KCNH7: variants seen among roughly 807,000 people sequenced by gnomAD.
KCNH7 encodes the protein potassium voltage-gated channel subfamily H member 7, also known as voltage-gated inwardly rectifying potassium channel KCNH7.
In KCNH7, 49 loss-of-function variants were observed where a neutral mutation model predicts 120.8. That is an observed-to-expected ratio of 0.41 (90% CI 0.32 to 0.51). The LOEUF (loss-of-function observed/expected upper bound fraction) is 0.51. Among genes scored for constraint, KCNH7 ranks in the 20% least tolerant of loss-of-function variants. KCNH7 has a pLI of 0.38. For missense variants in KCNH7, 1,097 were observed against 1,446.6 expected (o/e 0.76, Z 3.92); for synonymous variants, 547 against 516.1 (o/e 1.06, Z -0.81).
chr2:162,526,879 T>G (rs1309981029), intron 3 of KCNH7, among the ~76,000 whole-genome samples: 2 of 152,028 alleles, frequency 1.3e-5, no homozygotes, highest in African/African-American at 4.8e-5. Flanking sequence ...ATTGGGGAAG[T>G]GATAAGTGTC....
At chr2:162,477,004 G>A (rs1689767436) in intron 6 of KCNH7, among the ~76,000 whole-genome samples, 2 of 152,180 alleles carry the variant, frequency 1.3e-5, no homozygotes, top group Admixed American at 1.3e-4. Context: ...CAGGAATTAG[G>A]AACTAGGGCA....
chr2:162,723,210 T>C (rs779302262), intron 2 of KCNH7, among the ~76,000 whole-genome samples: 45 of 152,068 alleles, frequency 3.0e-4, no homozygotes, highest in Admixed American at 1.6e-3. Context: ...AGTCTCTATA[T>C]TGTTACATGC....
intron 3 of KCNH7, among the ~76,000 whole-genome samples, chr2:162,520,062 T>TG (rs1205424112): frequency 3.3e-5 from 5 of 151,542 alleles, no homozygotes; most frequent in Non-Finnish European, 7.4e-5. Flanking sequence ...ACCTGTATTG[T>TG]ATATCTAATA....
At chr2:162,630,210 G>A (rs1683716368) in intron 2 of KCNH7, among the ~76,000 whole-genome samples, 1 of 152,118 alleles carries the variant, frequency 6.6e-6, no homozygotes, top group East Asian at 1.9e-4. Context: ...TGCAAATATT[G>A]AATTTGAATT....
chr2:162,810,730 T>C (rs1684706860), intron 2 of KCNH7, among the ~76,000 whole-genome samples: 1 of 152,176 alleles, frequency 6.6e-6, no homozygotes, highest in African/African-American at 2.4e-5. Context: ...ATTTTATGTG[T>C]GTCACTTTCT....
chr2:162,607,199 A>T (rs1682806178), intron 2 of KCNH7, among the ~76,000 whole-genome samples: 1 of 140,082 alleles, frequency 7.1e-6, no homozygotes, highest in Non-Finnish European at 1.5e-5. Context: ...ATATGGTGAA[A>T]CCCCGTCTCT....
rs543624045 is a variant in KCNH7 at position 162,480,576 on chromosome 2, C to G, written c.1128+23867G>C. Among the ~76,000 whole-genome samples, 3 of 152,282 alleles carry G rather than the reference C, an allele frequency of 2.0e-5. No homozygotes were observed. The East Asian group carries it at 5.8e-4, about 29-fold the overall frequency. On this transcript the variant is annotated intron_variant, in intron 6 of 15. Coordinates refer to ENST00000332142, the MANE Select transcript of KCNH7 (RefSeq NM_033272.4). ...CAAATATATCCCAGTGAGAACAAAA[C>G]TCTCAGTTTTTCATGCAGCTTTTTA...
chr2:162,649,208 G>C (rs980881480), intron 2 of KCNH7, among the ~76,000 whole-genome samples: 2 of 152,052 alleles, frequency 1.3e-5, no homozygotes, highest in Non-Finnish European at 2.9e-5. Context: ...CATGTTCTTT[G>C]TTATGCATGA....
chr2:162,702,019 GA>G (rs1301455933), intron 2 of KCNH7, among the ~76,000 whole-genome samples: 2 of 148,576 alleles, frequency 1.3e-5, no homozygotes, highest in Admixed American at 6.7e-5. Flanking sequence ...AAAAAAAAAA[GA>G]AAAAAAACTT....
At chr2:162,724,557 A>G (rs1687449385) in intron 2 of KCNH7, among the ~76,000 whole-genome samples, 1 of 149,990 alleles carries the variant, frequency 6.7e-6, no homozygotes, top group Non-Finnish European at 1.5e-5. Context: ...CTGTAGTCCC[A>G]GCTACTTGGG....
rs566368978 is a variant in KCNH7 at position 162,500,241 on chromosome 2, A to G, written c.1128+4202T>C. The stretch of plus-strand genomic sequence containing the variant: ...ATAATATATAATATGTATGTTACAT[A>G]TACACATACTATGTATGTATGTATT... On this transcript the variant is annotated intron_variant, in intron 6 of 15. Transcript: ENST00000332142. 4.1e-5 allele frequency among the ~76,000 whole-genome samples: 6 copies of G among 148,064 alleles called. No individual in the cohort carries two copies. In the South Asian group the frequency reaches 1.3e-3, roughly 31 times the overall value.
At chr2:162,835,617 T>G (rs1242260210) in intron 2 of KCNH7, among the ~76,000 whole-genome samples, 1 of 151,734 alleles carries the variant, frequency 6.6e-6, no homozygotes, top group African/African-American at 2.4e-5. Context: ...TGTATAGATA[T>G]ATAGATATAT....
chr2:162,481,965 C>CTATCTATCTATCT (rs148374578), intron 6 of KCNH7, among the ~76,000 whole-genome samples: 1 of 151,098 alleles, frequency 6.6e-6, no homozygotes, highest in African/African-American at 2.4e-5. Context: ...ATCTATCTAT[C>CTATCTATCTATCT]ATCTATCTAT....
intron 2 of KCNH7, among the ~76,000 whole-genome samples, chr2:162,581,875 C>G (rs73026653): frequency 6.6e-6 from 1 of 151,768 alleles, no homozygotes; most frequent in Non-Finnish European, 1.5e-5. Flanking sequence ...ACAAAGGGAC[C>G]CACCCACCCA....
chr2:162,601,820 CATT>C (rs1694567379), intron 2 of KCNH7, among the ~76,000 whole-genome samples: 1 of 151,992 alleles, frequency 6.6e-6, no homozygotes, highest in African/African-American at 2.4e-5. Context: ...ACCTTATTAA[CATT>C]ATAAAGGATG....
At chr2:162,419,849 T>C (rs1352177826) in intron 9 of KCNH7, among the ~76,000 whole-genome samples, 3 of 152,142 alleles carry the variant, frequency 2.0e-5, no homozygotes, top group African/African-American at 7.2e-5. Context: ...ATTACTGTGG[T>C]AGTGTTGTAA....
chr2:162,661,112 G>T lies in KCNH7; in HGVS notation c.308-124032C>A, dbSNP rs75245803. Among the ~76,000 whole-genome samples the T allele has an allele frequency of 5.7e-3, 864 of 152,234 alleles. 4 individuals carry two copies. The highest frequency in any genetic ancestry group is 0.024 in the East Asian group (125 of 5,184). ...TGAAGAATGATACATTCCAATGCAA[G>T]ATTCAATGTGACAATATTACGATTC... On this transcript the variant is annotated intron_variant, in intron 2 of 15. Transcript: ENST00000332142.
intron 2 of KCNH7, among the ~76,000 whole-genome samples, chr2:162,703,003 G>A (rs1686570472): frequency 1.3e-5 from 2 of 152,116 alleles, no homozygotes; most frequent in Admixed American, 1.3e-4. Flanking sequence ...TGTAAAGAGT[G>A]TAAAGAGCCT....
At chr2:162,695,757 G>A (rs959325338) in intron 2 of KCNH7, among the ~76,000 whole-genome samples, 7 of 152,192 alleles carry the variant, frequency 4.6e-5, no homozygotes, top group East Asian at 1.9e-4. Flanking sequence ...CTGACATGCC[G>A]GGACCCCACA....
Sources: allele counts gnomAD v4.1 joint callset (sites outside exome capture counted in the v4.1 genomes callset), GRCh38; gene constraint gnomAD v4.1.1; transcripts MANE v1.5; gene names NCBI Gene and HGNC (gene_info 2026-07-23, HGNC 2026-07-21).